OXNAD1: variants seen among roughly 807,000 people sequenced by gnomAD.
The protein encoded by OXNAD1 is oxidoreductase NAD binding domain containing 1, also known as oxidoreductase NAD-binding domain-containing protein 1.
In OXNAD1, 34 loss-of-function variants were observed where a neutral mutation model predicts 32.9. The ratio of observed to expected loss-of-function variants is 1.03; its 90% CI spans 0.79 to 1.38. The LOEUF is 1.38. Among genes scored for constraint, OXNAD1 ranks in the 40% most tolerant of loss-of-function variants. The probability of loss-of-function intolerance (pLI) is 0.00; values close to 1 mark genes in which losing one functional copy is unlikely to be tolerated. For missense variants in OXNAD1, 407 were observed against 379.4 expected (o/e 1.07, Z -0.60); for synonymous variants, 134 against 135.2 (o/e 0.99, Z 0.06).
chr3:16,350,161 G>A (rs575551028), exon 10 of OXNAD1: 51 of 152,268 alleles, frequency 3.3e-4, no homozygotes, highest in African/African-American at 1.2e-3. Context: ...TAATTTTCTC[G>A]TTTAACATTT....
At chr3:16,282,367 TAAA>T (rs60328037) in intron 4 of OXNAD1, among the ~76,000 whole-genome samples, 33 of 145,606 alleles carry the variant, frequency 2.3e-4, no homozygotes, top group African/African-American at 2.0e-4. Context: ...CCACCCAGCT[TAAA>T]AAAAAAAAAA....
downstream of OXNAD1, among the ~76,000 whole-genome samples, chr3:16,307,395 T>A (rs1221938736): frequency 6.6e-6 from 1 of 152,122 alleles, no homozygotes; most frequent in African/African-American, 2.4e-5. Flanking sequence ...GAGTGTGGTG[T>A]TAAGAAGCCT....
At chr3:16,286,199 G>A in intron 4 of OXNAD1, 143 bp from the exon 5 acceptor site, 1 of 625,356 alleles carries the variant, frequency 1.6e-6, no homozygotes, top group East Asian at 2.7e-5. Context: ...CTGAACTAAA[G>A]CAAAGTGTGT....
At chr3:16,340,975 C>T (rs2071279756), downstream of OXNAD1, among the ~76,000 whole-genome samples, 1 of 152,136 alleles carries the variant, frequency 6.6e-6, no homozygotes, top group Admixed American at 6.5e-5. Flanking sequence ...CAACAAACAA[C>T]CCAATTTAAA....
chr3:16,343,183 A>C (rs1229531087), intron 9 of OXNAD1, among the ~76,000 whole-genome samples: 1 of 152,164 alleles, frequency 6.6e-6, no homozygotes, highest in African/African-American at 2.4e-5. Flanking sequence ...TCTGAGGACT[A>C]GCAAGGTTTG....
chr3:16,340,155 A>G (rs1299099401), downstream of OXNAD1, among the ~76,000 whole-genome samples: 1 of 152,250 alleles, frequency 6.6e-6, no homozygotes, highest in Admixed American at 6.5e-5. Flanking sequence ...ATTGCCACGC[A>G]TTACAGAGGG....
At position 16,327,258 on chromosome 3, in the gene OXNAD1, G is replaced by A. The variant is rs1023659886; in HGVS notation, c.*31-9854G>A. ...GTGCTGCTCTGAATGAGTTCAGAGC[G>A]TGTTGTGGGGAGTTAACTTACATTT... On this transcript the variant is annotated intron_variant, in intron 9 of 9. Transcript: ENST00000435829. The surrounding 1 kb of genome is among the most constrained non-coding windows in gnomAD (Gnocchi z 4.2). Among the ~76,000 whole-genome samples, 4 of 152,176 alleles carry A rather than the reference G, an allele frequency of 2.6e-5. No homozygotes were observed. The highest frequency in any genetic ancestry group is 9.7e-5 in the African/African-American group (4 of 41,426).
In OXNAD1 at chr3:16,303,527, C is replaced by T; in HGVS notation, c.904C>T (p.Pro302Ser). 18 of 1,613,986 alleles carry T rather than the reference C, an allele frequency of 1.1e-5. No homozygotes were observed. The highest frequency in any genetic ancestry group is 1.4e-5 in the Non-Finnish European group (16 of 1,179,940). The change falls in exon 9 of 9, where the codon CCC becomes TCC. Residue 302 changes from proline to serine, a missense_variant. Transcript: ENST00000285083. The surrounding 1 kb of genome is among the most constrained non-coding windows in gnomAD (Gnocchi z 4.8). Reference protein sequence around the residue: ...FSKQLENNHVPKEHICFEKWW With the variant: ...FSKQLENNHVSKEHICFEKWW ...CAAGCAACTGGAAAACAACCATGTA[C>T]CCAAAGAACACATTTGCTTTGAGAA... is the stretch of plus-strand genomic sequence containing the variant.
rs1028364442 is a variant in OXNAD1, at chr3:16,329,962, T to G, written c.*31-7150T>G. Among the ~76,000 whole-genome samples the G allele has an allele frequency of 6.6e-6, 1 of 152,208 alleles. No individual in the cohort carries two copies. The highest frequency in any genetic ancestry group is 2.4e-5 in the African/African-American group (1 of 41,460). ...CCCTGCTGCAGCCCGACCCGCCTGC[T>G]TAGACAGACTGCAAACCGGCTGCTT... is the stretch of plus-strand genomic sequence containing the variant. On this transcript the variant is annotated intron_variant, in intron 9 of 9. Coordinates refer to the OXNAD1 transcript ENST00000435829. This position sits in a 1 kb window ranked among gnomAD's most constrained non-coding sequence, Gnocchi z 4.5.
rs955582517 is a variant in OXNAD1 at position 16,280,174 on chromosome 3, T to C, written c.184-6168T>C. Among the ~76,000 whole-genome samples, 1 of 152,118 alleles carries C rather than the reference T, an allele frequency of 6.6e-6. No homozygotes were observed. Among genetic ancestry groups the C allele is most frequent in the Non-Finnish European group, 1.5e-5 (1 of 68,026 alleles). ...GTTTGCTGCTGTTGTTGTTGTTACATGTTACATGAGGTGGGAGATCCTAGA... is the reference window on the plus strand; with the variant it reads ...GTTTGCTGCTGTTGTTGTTGTTACACGTTACATGAGGTGGGAGATCCTAGA... On this transcript the variant is annotated intron_variant, in intron 4 of 8. Transcript: ENST00000285083. This position sits in a 1 kb window ranked among gnomAD's most constrained non-coding sequence, Gnocchi z 4.5.
chr3:16,334,435 T>A lies in OXNAD1; in HGVS notation c.*31-2677T>A, dbSNP rs1484288545. On this transcript the variant is annotated intron_variant, in intron 9 of 9. Transcript: ENST00000435829. This position sits in a 1 kb window ranked among gnomAD's most constrained non-coding sequence, Gnocchi z 4.3. The stretch of plus-strand genomic sequence containing the variant: ...GGAATTTAACCTACGTATTAAAAAA[T>A]GAGAAATGCACAGAGTTATTCACTG... 6.6e-6 allele frequency among the ~76,000 whole-genome samples: 1 copy of A among 152,116 alleles called. No homozygotes were observed. The highest frequency in any genetic ancestry group is 1.5e-5 in the Non-Finnish European group (1 of 68,030).
chr3:16,346,313 T>C lies in OXNAD1; in HGVS notation c.*31-2863T>C, dbSNP rs1215019288. The C allele has an allele frequency of 6.6e-6, 1 of 152,218 alleles. No individual in the cohort carries two copies. The highest frequency in any genetic ancestry group is 1.5e-5 in the Non-Finnish European group (1 of 68,026). The allele number at this position is 152,218 out of a possible 1,614,324, so 9.4% of individuals were successfully genotyped here. On this transcript the variant is annotated intron_variant, in intron 9 of 9. Transcript: ENST00000606098. The surrounding 1 kb of genome is among the most constrained non-coding windows in gnomAD (Gnocchi z 4.4). ...AATATTTATTTGTTGGATAAATTTT[T>C]AAAAAGATATAACTTACTTGTATCA...
Position 16,346,302 on chromosome 3 carries a change from G to C in OXNAD1, c.*31-2874G>C, listed in dbSNP as rs2071714764. ...AGTAGGAACTCAATATTTATTTGTT[G>C]GATAAATTTTTAAAAAGATATAACT... On this transcript the variant is annotated intron_variant, in intron 9 of 9. Transcript: ENST00000606098. This position sits in a 1 kb window ranked among gnomAD's most constrained non-coding sequence, Gnocchi z 4.4. The C allele has an allele frequency of 6.6e-6, 1 of 151,954 alleles. No homozygotes were observed. 9.4% of individuals were successfully genotyped at this position (151,954 alleles called of 1,614,324 possible). A position where few individuals can be genotyped will look rare whatever the true frequency, so the allele number is the denominator to read the frequency against.
At chr3:16,272,296 A>G in intron 4 of OXNAD1, 1 of 342,550 alleles carries the variant, frequency 2.9e-6, no homozygotes, top group Non-Finnish European at 5.7e-6. Flanking sequence ...GGGCTGAGAA[A>G]TAAAGGATCC....
chr3:16,282,185 A>G (rs1019836125), intron 4 of OXNAD1, among the ~76,000 whole-genome samples: 1 of 151,790 alleles, frequency 6.6e-6, no homozygotes, highest in Non-Finnish European at 1.5e-5. Flanking sequence ...TAATGAAGTA[A>G]TAGAGACCTC....
At position 16,294,772 on chromosome 3, in the gene OXNAD1, C is replaced by G. The variant is rs1475070440; in HGVS notation, c.291-84C>G. 3.0e-6 allele frequency: 4 copies of G among 1,324,650 alleles called. No homozygotes were observed. In the East Asian group the frequency reaches 9.7e-5, roughly 32 times the overall value. 82.1% of individuals were successfully genotyped at this position (1,324,650 alleles called of 1,614,324 possible). A position where few individuals can be genotyped will look rare whatever the true frequency, so the allele number is the denominator to read the frequency against. The stretch of plus-strand genomic sequence containing the variant: ...GATTTTAGTAATTTTTTTTCATAGT[C>G]TTGCAAAGGTTTGTCAATTCTGTTT... On this transcript the variant is annotated intron_variant, in intron 5 of 8. Transcript: ENST00000285083.
rs1001503935 is a variant in OXNAD1 at position 16,277,596 on chromosome 3, G to A, written c.183+5874G>A. ...CTGGATTTTACAAAGAGGAAGCAGG[G>A]CCTAGGACATGTCTCTCAGTGACGA... On this transcript the variant is annotated intron_variant, in intron 4 of 8. Coordinates refer to ENST00000285083, the MANE Select transcript of OXNAD1 (RefSeq NM_138381.5). The surrounding 1 kb of genome is among the most constrained non-coding windows in gnomAD (Gnocchi z 4.3). Among the ~76,000 whole-genome samples, 2 of 152,180 alleles carry A rather than the reference G, an allele frequency of 1.3e-5. No homozygotes were observed. Among genetic ancestry groups the A allele is most frequent in the Non-Finnish European group, 2.9e-5 (2 of 68,026 alleles).
At position 16,294,850 on chromosome 3, in the gene OXNAD1, T is replaced by TTTTAGGGTTGATTTC; in HGVS notation, c.291-1_304dup. 1.2e-6 allele frequency: 2 copies of TTTTAGGGTTGATTTC among 1,605,164 alleles called. No individual in the cohort carries two copies. The highest frequency in any genetic ancestry group is 1.7e-6 in the Non-Finnish European group (2 of 1,176,830). On this transcript the variant is annotated splice_region_variant and splice_polypyrimidine_tract_variant and intron_variant, in intron 5 of 8. Coordinates refer to ENST00000285083, the MANE Select transcript of OXNAD1 (RefSeq NM_138381.5). ...ACAATAATCATTTATTTGGCTTTCTTTTTAGGGTTGATTTCTTTATTCCAG... is the reference window on the plus strand; with the variant it reads ...ACAATAATCATTTATTTGGCTTTCTTTTTAGGGTTGATTTCTTTAGGGTTGATTTCTTTATTCCAG...
chr3:16,349,531 G>C (rs141055530), exon 10 of OXNAD1: 5 of 152,246 alleles, frequency 3.3e-5, no homozygotes, highest in African/African-American at 1.2e-4. Context: ...TGTGAACTAC[G>C]TATGTGCATG....
Sources: gnomAD v4.1 joint callset for allele counts (sites outside exome capture counted in the v4.1 genomes callset) on GRCh38, gnomAD v4.1.1 for gene constraint, Gnocchi (gnomAD v3.1) non-coding constraint, MANE v1.5 for transcripts, NCBI Gene and HGNC (gene_info 2026-07-23, HGNC 2026-07-21) for gene names.